The following MGAM2 variants were observed in gnomAD, a reference collection of about 807,000 sequenced individuals.
MGAM2 encodes the protein probable maltase-glucoamylase 2.
MGAM2 carries 98 observed loss-of-function variants against 96.1 expected under a neutral mutation model. The observed-to-expected ratio is 1.02, with a 90% CI of 0.87 to 1.21. The LOEUF (loss-of-function observed/expected upper bound fraction) is 1.21, where lower values mean the gene tolerates loss of function less well. Among genes scored for constraint, MGAM2 ranks in the 50% most tolerant of loss-of-function variants. MGAM2 has a pLI of 0.00. For synonymous variants in MGAM2, 749 were observed against 414.8 expected, an observed-to-expected ratio of 1.81 and a Z score of -9.79; for missense variants, 2,055 against 1,182.4, an observed-to-expected ratio of 1.74 and a Z score of -10.82.
intron 35 of MGAM2, among the ~76,000 whole-genome samples, chr7:142,187,206 C>A (rs1318229600): frequency 1.3e-5 from 2 of 152,186 alleles, no homozygotes; most frequent in Non-Finnish European, 2.9e-5. Context: ...TTACATATAA[C>A]TTTTTAGAAA....
chr7:142,118,481 T>C (rs1335024594), intron 2 of MGAM2, among the ~76,000 whole-genome samples: 1 of 152,182 alleles, frequency 6.6e-6, no homozygotes, highest in Non-Finnish European at 1.5e-5. Context: ...CACCTGCTAA[T>C]ACCCACGGTA....
intron 7 of MGAM2, among the ~76,000 whole-genome samples, chr7:142,136,090 T>C (rs1795053119): frequency 6.6e-6 from 1 of 152,174 alleles, no homozygotes; most frequent in African/African-American, 2.4e-5. Context: ...CATAATCCAG[T>C]TCTATAGCTT....
intron 3 of MGAM2, among the ~76,000 whole-genome samples, chr7:142,125,298 G>T (rs1031603258): frequency 6.6e-6 from 1 of 152,172 alleles, no homozygotes; most frequent in Admixed American, 6.5e-5. Flanking sequence ...TGCATCAAAT[G>T]AAAGTTGTAG....
intron 10 of MGAM2, 28 bp downstream of exon 10, chr7:142,138,695 G>C (rs1167734558): frequency 1.5e-6 from 1 of 683,514 alleles, no homozygotes; most frequent in South Asian, 1.6e-5. Context: ...TTACCATGCA[G>C]TTGACACCAA....
intron 44 of MGAM2, 97 bp downstream of exon 44, chr7:142,198,836 A>T: frequency 1.6e-6 from 1 of 609,708 alleles, no homozygotes. Context: ...TATGTGGATT[A>T]TAAACTAAAT....
Position 142,134,012 on chromosome 7 carries a change from GC to G in MGAM2, c.610del (p.Gln204SerfsTer30), listed in dbSNP as rs1563252459. 1 of 726,888 alleles carries G rather than the reference GC, an allele frequency of 1.4e-6. No homozygotes were observed. Among genetic ancestry groups the G allele is most frequent in the Non-Finnish European group, 2.5e-6 (1 of 397,876 alleles). The allele number at this position is 726,888 out of a possible 1,614,324, so 45.0% of individuals were successfully genotyped here. A position where few individuals can be genotyped will look rare whatever the true frequency, so the allele number is the denominator to read the frequency against. On this transcript the variant is annotated frameshift_variant, in exon 7 of 48. Transcript: ENST00000477922. LOFTEE classifies it high-confidence loss of function. The stretch of plus-strand genomic sequence containing the variant: ...CACGAGCATCGGGCCCCTCCAGTTT[GC>G]CCAGCAGTACCTGCAACTGTCTTTC... ...LDTSIGPLQF[A>X]QQYLQLSFRL... is the part of the protein sequence containing the mutation.
At chr7:142,205,885 C>A (rs1266870841) in intron 45 of MGAM2, among the ~76,000 whole-genome samples, 1 of 152,042 alleles carries the variant, frequency 6.6e-6, no homozygotes, top group Non-Finnish European at 1.5e-5. Flanking sequence ...CAAGTATTTG[C>A]TACTAGATTT....
chr7:142,160,048 G>A, intron 20 of MGAM2, 86 bp from the exon 21 acceptor site: 1 of 607,584 alleles, frequency 1.6e-6, no homozygotes. Context: ...TTTAAAATAT[G>A]TCAACTGAAT....
chr7:142,166,019 T>G (rs1052433017), intron 24 of MGAM2, 79 bp from the exon 25 acceptor site: 2 of 595,670 alleles, frequency 3.4e-6, no homozygotes, highest in African/African-American at 3.7e-5. Context: ...TTGTCCTGAC[T>G]TCCAGACTTC....
At chr7:142,207,572 C>A (rs1458602105) in intron 45 of MGAM2, among the ~76,000 whole-genome samples, 1 of 151,864 alleles carries the variant, frequency 6.6e-6, no homozygotes, top group African/African-American at 2.4e-5. Flanking sequence ...ACTACAGGCG[C>A]CCACCACCAC....
At chr7:142,154,621 A>G (rs1379280037) in intron 16 of MGAM2, 108 bp from the exon 17 acceptor site, 5 of 644,506 alleles carry the variant, frequency 7.8e-6, no homozygotes, top group African/African-American at 1.8e-5. Flanking sequence ...CTCCTTAAGC[A>G]TGGGATGATG....
At chr7:142,208,194 C>G (rs1228358035) in intron 45 of MGAM2, 1 of 464,638 alleles carries the variant, frequency 2.2e-6, no homozygotes, top group Admixed American at 2.3e-5. Flanking sequence ...AATTCCTAAC[C>G]ACTCGCCTCT....
rs186415119 is a variant in MGAM2, at chr7:142,168,221, C to T, written c.3027+735C>T. The stretch of plus-strand genomic sequence containing the variant: ...TTCTTGCCCTCACCCCTAGGGTTTC[C>T]AATTCAGTAGACCTGGGCTGGGGCC... On this transcript the variant is annotated intron_variant, in intron 26 of 47. Coordinates refer to ENST00000477922, the MANE Select transcript of MGAM2 (RefSeq NM_001293626.2). Among the ~76,000 whole-genome samples the T allele has an allele frequency of 7.1e-4, 108 of 151,938 alleles. 1 individual carries two copies. Among genetic ancestry groups the T allele is most frequent in the South Asian group, 5.0e-3 (24 of 4,806 alleles).
intron 37 of MGAM2, among the ~76,000 whole-genome samples, chr7:142,195,002 G>A (rs902912842): frequency 1.3e-5 from 2 of 152,108 alleles, no homozygotes; most frequent in African/African-American, 4.8e-5. Flanking sequence ...ATCTTCCACT[G>A]AAAGATAAAC....
rs931705429 is a variant in MGAM2 at position 142,113,869 on chromosome 7, C to T, written c.-1+2062C>T. Among the ~76,000 whole-genome samples, 12 of 152,186 alleles carry T rather than the reference C, an allele frequency of 7.9e-5. No homozygotes were observed. The East Asian group carries it at 1.4e-3, about 17-fold the overall frequency. On this transcript the variant is annotated intron_variant, in intron 1 of 47. Coordinates refer to ENST00000477922, the MANE Select transcript of MGAM2 (RefSeq NM_001293626.2). ...AAATAGGGCTGAGCGTGGTGCCTCACGCAGGTAATCCTAGCATTTTGGGAG... is the reference window on the plus strand; with the variant it reads ...AAATAGGGCTGAGCGTGGTGCCTCATGCAGGTAATCCTAGCATTTTGGGAG...
chr7:142,205,939 T>C lies in MGAM2; in HGVS notation c.5138-2634T>C, dbSNP rs137992012. 5.3e-3 allele frequency among the ~76,000 whole-genome samples: 802 copies of C among 152,288 alleles called. 3 individuals carry two copies. Among genetic ancestry groups the C allele is most frequent in the Non-Finnish European group, 8.8e-3 (597 of 67,986 alleles). On this transcript the variant is annotated intron_variant, in intron 45 of 47. Coordinates refer to ENST00000477922, the MANE Select transcript of MGAM2 (RefSeq NM_001293626.2). The stretch of plus-strand genomic sequence containing the variant: ...GTTTTAGCTCTTACATTTAGGTCTT[T>C]GATTCTTTTTGAGTTAATTTTTGTG...
intron 2 of MGAM2, among the ~76,000 whole-genome samples, chr7:142,118,491 A>G (rs1376762470): frequency 2.0e-5 from 3 of 152,176 alleles, no homozygotes. Flanking sequence ...TACCCACGGT[A>G]ACTGTTTCCT....
In MGAM2 at chr7:142,193,500, G is replaced by A. The variant is rs145769394; in HGVS notation, c.4347-2654G>A. On this transcript the variant is annotated intron_variant, in intron 37 of 47. Coordinates refer to ENST00000477922, the MANE Select transcript of MGAM2 (RefSeq NM_001293626.2). ...TTGATGGGAGAGCTCAGCGTTTGTG[G>A]CATCAGTGGTCAGTTTTGTTCACTG... Among the ~76,000 whole-genome samples the A allele has an allele frequency of 1.5e-4, 23 of 152,236 alleles. 1 individual carries two copies. Among genetic ancestry groups the A allele is most frequent in the African/African-American group, 5.1e-4 (21 of 41,520 alleles).
At chr7:142,122,554 G>A (rs1186365653) in intron 3 of MGAM2, among the ~76,000 whole-genome samples, 1 of 152,184 alleles carries the variant, frequency 6.6e-6, no homozygotes, top group Non-Finnish European at 1.5e-5. Context: ...GGTAATCACT[G>A]ATATGATTTA....
Sources: gnomAD v4.1 joint callset for allele counts (sites outside exome capture counted in the v4.1 genomes callset) on GRCh38, gnomAD v4.1.1 for gene constraint, MANE v1.5 for transcripts, NCBI Gene and HGNC (gene_info 2026-07-23, HGNC 2026-07-21) for gene names.